Variants in APBB1IP observed in about 807,000 individuals in gnomAD.
APBB1IP encodes amyloid beta A4 precursor protein-binding family B member 1-interacting protein.
In APBB1IP, 27 loss-of-function variants were observed where a neutral mutation model predicts 64.9. That is an observed-to-expected ratio of 0.42 (90% confidence interval 0.31 to 0.57). APBB1IP has a LOEUF of 0.57. Ranked by LOEUF, APBB1IP falls within the 20% of genes least tolerant of loss-of-function variation. The pLI is 0.20. For missense variants in APBB1IP, 812 were observed against 845.5 expected (o/e 0.96, Z 0.49); for synonymous variants, 392 against 331.0 (o/e 1.18, Z -2.00).
intron 11 of APBB1IP, among the ~76,000 whole-genome samples, chr10:26,554,443 C>A (rs1836869543): frequency 6.6e-6 from 1 of 152,242 alleles, no homozygotes; most frequent in Non-Finnish European, 1.5e-5. Flanking sequence ...CCTTGGCTTG[C>A]AGCTGCGTGT....
At chr10:26,565,065 C>T (rs1243066188) in intron 14 of APBB1IP, among the ~76,000 whole-genome samples, 2 of 152,166 alleles carry the variant, frequency 1.3e-5, no homozygotes. Flanking sequence ...GGCAACATAT[C>T]CTTTGTGCCT....
At chr10:26,489,704 A>C (rs1835932743) in intron 2 of APBB1IP, among the ~76,000 whole-genome samples, 1 of 152,186 alleles carries the variant, frequency 6.6e-6, no homozygotes, top group African/African-American at 2.4e-5. Flanking sequence ...CATTTACATC[A>C]CTTCACTTTT....
intron 2 of APBB1IP, among the ~76,000 whole-genome samples, chr10:26,445,893 G>A (rs10764616): frequency 7.0e-6 from 1 of 142,040 alleles, no homozygotes; most frequent in African/African-American, 3.1e-5. Flanking sequence ...ATCGAGATAA[G>A]TGACATTTCA....
At chr10:26,526,731 AT>A (rs1424345833) in intron 8 of APBB1IP, among the ~76,000 whole-genome samples, 19 of 152,114 alleles carry the variant, frequency 1.2e-4, no homozygotes, top group Non-Finnish European at 2.6e-4. Context: ...AATAATAATA[AT>A]AATAATAATA....
chr10:26,443,315 T>G (rs1455880530), intron 2 of APBB1IP, among the ~76,000 whole-genome samples: 1 of 151,720 alleles, frequency 6.6e-6, no homozygotes, highest in Non-Finnish European at 1.5e-5. Context: ...TCCCAGCCAC[T>G]CGGGAGGCTG....
At chr10:26,466,350 T>A (rs1469511776) in intron 2 of APBB1IP, among the ~76,000 whole-genome samples, 1 of 152,174 alleles carries the variant, frequency 6.6e-6, no homozygotes, top group Non-Finnish European at 1.5e-5. Context: ...TTCAAGGCGA[T>A]GGGACACAGA....
intron 2 of APBB1IP, among the ~76,000 whole-genome samples, chr10:26,470,328 G>A (rs2132413764): frequency 6.6e-6 from 1 of 152,308 alleles, no homozygotes; most frequent in East Asian, 1.9e-4. Context: ...CCTGAGGACA[G>A]GAGTTTGAGA....
At chr10:26,488,232 T>C (rs1483634684) in intron 2 of APBB1IP, among the ~76,000 whole-genome samples, 2 of 144,790 alleles carry the variant, frequency 1.4e-5, no homozygotes, top group Non-Finnish European at 3.0e-5. Context: ...TTTCTGCCAT[T>C]TTGTAGGAAT....
chr10:26,510,579 A>G (rs1248887591), intron 6 of APBB1IP, among the ~76,000 whole-genome samples: 1 of 152,046 alleles, frequency 6.6e-6, no homozygotes, highest in East Asian at 1.9e-4. Flanking sequence ...CAAAAAAATG[A>G]ACAAAAATTA....
intron 11 of APBB1IP, among the ~76,000 whole-genome samples, chr10:26,557,295 T>A (rs1564377965): frequency 6.6e-6 from 1 of 152,196 alleles, no homozygotes; most frequent in Non-Finnish European, 1.5e-5. Context: ...TACAGCAACA[T>A]TCAGGAGCCT....
chr10:26,508,878 CTGTA>C (rs1472357517), intron 6 of APBB1IP, among the ~76,000 whole-genome samples: 2 of 152,054 alleles, frequency 1.3e-5, no homozygotes, highest in African/African-American at 4.8e-5. Context: ...TATTTTTTCT[CTGTA>C]TGTATGTTTT....
chr10:26,439,712 G>A (rs1835319561), intron 2 of APBB1IP, among the ~76,000 whole-genome samples: 1 of 152,156 alleles, frequency 6.6e-6, no homozygotes, highest in East Asian at 1.9e-4. Flanking sequence ...TTGACGAGAC[G>A]GAGTACTAGA....
intron 4 of APBB1IP, among the ~76,000 whole-genome samples, chr10:26,500,315 C>A (rs1366328065): frequency 6.6e-6 from 1 of 152,098 alleles, no homozygotes; most frequent in Non-Finnish European, 1.5e-5. Flanking sequence ...GAAGCTCCGT[C>A]TTCACCCCAA....
rs571003302 is a variant in APBB1IP, at chr10:26,545,759, CA to C, written c.1155+4077del. Among the ~76,000 whole-genome samples, 31 of 92,832 alleles carry C rather than the reference CA, an allele frequency of 3.3e-4. 1 individual carries two copies. The highest frequency in any genetic ancestry group is 4.8e-4 in the African/African-American group (11 of 23,156). The allele number at this position is 92,832 out of a possible 152,430, so 60.9% of individuals were successfully genotyped here. On this transcript the variant is annotated intron_variant, in intron 11 of 14. Coordinates refer to ENST00000376236, the MANE Select transcript of APBB1IP (RefSeq NM_019043.4). ...TGGGCGACAGAGCGAGACTCCGTCT[CA>C]AAAAAAAAACAAACAAACAAACAAA...
chr10:26,449,216 CA>C (rs968161175), intron 2 of APBB1IP, among the ~76,000 whole-genome samples: 3 of 152,132 alleles, frequency 2.0e-5, no homozygotes, highest in African/African-American at 7.2e-5. Context: ...AGAAAAATGG[CA>C]GTTTAACTCA....
intron 11 of APBB1IP, among the ~76,000 whole-genome samples, chr10:26,543,051 C>CA (rs1836715673): frequency 6.6e-6 from 1 of 150,730 alleles, no homozygotes; most frequent in Non-Finnish European, 1.5e-5. Context: ...CCAATGTCAA[C>CA]AGTGCTGCTG....
At chr10:26,495,598 C>T (rs951283130) in intron 3 of APBB1IP, among the ~76,000 whole-genome samples, 7 of 147,782 alleles carry the variant, frequency 4.7e-5, no homozygotes, top group African/African-American at 1.6e-4. Flanking sequence ...GTAAGACCCC[C>T]GTCTCATTTT....
At chr10:26,525,072 C>G (rs747635609) in intron 8 of APBB1IP, among the ~76,000 whole-genome samples, 4 of 149,710 alleles carry the variant, frequency 2.7e-5, no homozygotes, top group Non-Finnish European at 5.9e-5. Context: ...CACTTGAGCC[C>G]AGGAGTTTGA....
intron 3 of APBB1IP, among the ~76,000 whole-genome samples, chr10:26,494,049 G>T (rs1264070930): frequency 6.6e-6 from 1 of 152,126 alleles, no homozygotes; most frequent in Non-Finnish European, 1.5e-5. Flanking sequence ...TGTTGCCCAG[G>T]CTGGATATCA....
Sources: gnomAD v4.1 joint callset for allele counts (sites outside exome capture counted in the v4.1 genomes callset) on GRCh38, gnomAD v4.1.1 for gene constraint, MANE v1.5 for transcripts, NCBI Gene and HGNC (gene_info 2026-07-23, HGNC 2026-07-21) for gene names.